CCNY: variants seen among roughly 807,000 people sequenced by gnomAD.
CCNY encodes the protein cyclin-Y.
A neutral mutation model predicts 42.8 loss-of-function variants in CCNY; 19 were observed. The observed-to-expected ratio is 0.44, with a 90% confidence interval of 0.31 to 0.65. The LOEUF (loss-of-function observed/expected upper bound fraction) is 0.65, where lower values mean the gene tolerates loss of function less well. Among genes scored for constraint, CCNY ranks in the 30% least tolerant of loss-of-function variants. CCNY has a pLI of 0.07. For synonymous variants in CCNY, 165 were observed against 162.7 expected (o/e 1.01, Z -0.11); for missense variants, 370 against 437.3 (o/e 0.85, Z 1.37).
At chr10:35,417,243 G>T (rs1838044298) in intron 1 of CCNY, among the ~76,000 whole-genome samples, 1 of 152,166 alleles carries the variant, frequency 6.6e-6, no homozygotes, top group Non-Finnish European at 1.5e-5. Flanking sequence ...AGTCATCTTT[G>T]TGGATTGCAA....
chr10:35,412,651 G>A (rs1440272220), intron 1 of CCNY, among the ~76,000 whole-genome samples: 2 of 148,652 alleles, frequency 1.3e-5, no homozygotes, highest in Non-Finnish European at 3.0e-5. Context: ...AGAAGTTTGC[G>A]ACCAGCCTAG....
intron 1 of CCNY, among the ~76,000 whole-genome samples, chr10:35,441,510 G>A (rs533447081): frequency 2.0e-5 from 3 of 152,340 alleles, no homozygotes; most frequent in Admixed American, 6.5e-5. Flanking sequence ...CTGCGAGGCC[G>A]AGGCGGGAGG....
intron 3 of CCNY, among the ~76,000 whole-genome samples, chr10:35,510,869 A>AT (rs775354933): frequency 6.6e-6 from 1 of 152,210 alleles, no homozygotes; most frequent in Non-Finnish European, 1.5e-5. Flanking sequence ...AGGATGTGTG[A>AT]TTGTCCTCTG....
chr10:35,303,615 T>TA, intron 3 of CCNY, among the ~76,000 whole-genome samples: 1 of 150,160 alleles, frequency 6.7e-6, no homozygotes, highest in East Asian at 2.0e-4. Flanking sequence ...CCATCTCTAC[T>TA]AAAAATACAA....
chr10:35,468,008 T>G (rs192593901), intron 1 of CCNY, among the ~76,000 whole-genome samples: 1 of 152,236 alleles, frequency 6.6e-6, no homozygotes, highest in African/African-American at 2.4e-5. Flanking sequence ...TAGATTTCAT[T>G]GACCATGTTA....
upstream of CCNY, chr10:35,336,342 A>T (rs1836024374): frequency 6.6e-6 from 1 of 152,082 alleles, no homozygotes; most frequent in African/African-American, 2.4e-5. Flanking sequence ...CCAGTGCCCG[A>T]GAGAGGAGCG....
chr10:35,538,465 C>T (rs1003791130), intron 7 of CCNY, among the ~76,000 whole-genome samples: 2 of 152,206 alleles, frequency 1.3e-5, no homozygotes, highest in Non-Finnish European at 2.9e-5. Context: ...CACATCGCAT[C>T]CTTATCAATG....
At chr10:35,391,199 G>T (rs1241164267) in intron 1 of CCNY, among the ~76,000 whole-genome samples, 1 of 152,320 alleles carries the variant, frequency 6.6e-6, no homozygotes, top group South Asian at 2.1e-4. Context: ...AGGGGCAGGG[G>T]TTCTTATTCC....
chr10:35,394,695 GA>G (rs1837485023), intron 1 of CCNY: 1 of 194,542 alleles, frequency 5.1e-6, no homozygotes, highest in African/African-American at 2.4e-5. Context: ...AAGTATCTCT[GA>G]CATCTTGTGC....
intron 3 of CCNY, among the ~76,000 whole-genome samples, chr10:35,305,211 T>A (rs184281164): frequency 5.9e-5 from 9 of 152,358 alleles, no homozygotes; most frequent in Admixed American, 5.9e-4. Context: ...TGCTTTTTAA[T>A]GAAAATTGTC....
intron 3 of CCNY, among the ~76,000 whole-genome samples, chr10:35,313,342 C>G (rs1458458333): frequency 6.6e-6 from 1 of 152,138 alleles, no homozygotes; most frequent in Non-Finnish European, 1.5e-5. Flanking sequence ...TATTTGTTTT[C>G]TTTATATTAA....
At chr10:35,326,035 C>T (rs1564369303) in intron 3 of CCNY, among the ~76,000 whole-genome samples, 1 of 152,134 alleles carries the variant, frequency 6.6e-6, no homozygotes, top group Non-Finnish European at 1.5e-5. Flanking sequence ...ATGATTATGC[C>T]ACTGCACTTT....
intron 3 of CCNY, among the ~76,000 whole-genome samples, chr10:35,327,908 C>T (rs1835898379): frequency 6.6e-6 from 1 of 152,186 alleles, no homozygotes; most frequent in South Asian, 2.1e-4. Context: ...CTCACTGGTC[C>T]TTTCTCTCTA....
intron 1 of CCNY, among the ~76,000 whole-genome samples, chr10:35,482,556 A>G (rs1839691950): frequency 6.6e-6 from 1 of 152,224 alleles, no homozygotes; most frequent in Non-Finnish European, 1.5e-5. Context: ...CTAAGATTGC[A>G]AAATCAAATG....
chr10:35,303,828 G>A (rs1835569340), intron 3 of CCNY, among the ~76,000 whole-genome samples: 1 of 144,700 alleles, frequency 6.9e-6, no homozygotes. Flanking sequence ...AAGGAAAGAA[G>A]GAAGGAAGGA....
chr10:35,323,059 G>C (rs769957676), intron 3 of CCNY, among the ~76,000 whole-genome samples: 1 of 152,008 alleles, frequency 6.6e-6, no homozygotes, highest in South Asian at 2.1e-4. Flanking sequence ...CCCAAGTAGC[G>C]GGATTACAGG....
chr10:35,293,579 C>A (rs968018278), intron 3 of CCNY, among the ~76,000 whole-genome samples: 5 of 152,122 alleles, frequency 3.3e-5, no homozygotes, highest in Admixed American at 2.0e-4. Context: ...CAATATTAAA[C>A]CTTCCAGTCT....
intron 7 of CCNY, among the ~76,000 whole-genome samples, chr10:35,550,607 C>T (rs975215861): frequency 1.3e-5 from 2 of 152,060 alleles, no homozygotes; most frequent in African/African-American, 4.8e-5. Context: ...AGTCCTTGCT[C>T]GTCCAATTTA....
chr10:35,360,753 A>G (rs573565800), intron 1 of CCNY, among the ~76,000 whole-genome samples: 6 of 152,184 alleles, frequency 3.9e-5, no homozygotes, highest in Non-Finnish European at 7.4e-5. Context: ...TCATCTGTAT[A>G]TGATTATATA....
Sources: gnomAD v4.1 joint callset for allele counts (sites outside exome capture counted in the v4.1 genomes callset) on GRCh38, gnomAD v4.1.1 for gene constraint, MANE v1.5 for transcripts, NCBI Gene and HGNC (gene_info 2026-07-23, HGNC 2026-07-21) for gene names.